AMPH: variants seen among roughly 807,000 people sequenced by gnomAD.
AMPH encodes amphiphysin (Stiff-Mann syndrome with breast cancer 128kD autoantigen).
AMPH carries 49 observed loss-of-function variants against 99.1 expected under a neutral mutation model. That is an observed-to-expected ratio of 0.49 (90% confidence interval 0.39 to 0.63). The LOEUF is 0.63. Ranked by LOEUF, AMPH falls within the 20% of genes least tolerant of loss-of-function variation. The pLI is 0.00. For synonymous variants in AMPH, 314 were observed against 317.3 expected (o/e 0.99, Z 0.11); for missense variants, 759 against 863.4 (o/e 0.88, Z 1.52).
chr7:38,463,014 A>C lies in AMPH; in HGVS notation c.849T>G (p.Pro283=), dbSNP rs1336989651. 1.2e-6 allele frequency: 2 copies of C among 1,604,108 alleles called. No individual in the cohort carries two copies. Among genetic ancestry groups the C allele is most frequent in the Non-Finnish European group, 1.7e-6 (2 of 1,175,402 alleles). ...GAGGCCGTGCTGGTGCGGGAGACGC[A>C]GGTGCTAATGTATGATTTGGACTTG... The part of the protein sequence containing the change: ...PTASPNHTLA[P]ASPAPARPRS... Residue 283 remains proline (P), a synonymous_variant, in exon 10 of 21, where the codon CCT becomes CCG. Coordinates refer to ENST00000356264, the MANE Select transcript of AMPH (RefSeq NM_001635.4).
chr7:38,614,448 G>C (rs1289230907), intron 1 of AMPH, among the ~76,000 whole-genome samples: 2 of 152,044 alleles, frequency 1.3e-5, no homozygotes, highest in Non-Finnish European at 2.9e-5. Flanking sequence ...TTGGCATATG[G>C]AAGTTGCTAA....
intron 2 of AMPH, among the ~76,000 whole-genome samples, chr7:38,525,258 G>GTGTATATATATATATATA (rs1173107719): frequency 5.4e-5 from 6 of 111,196 alleles, no homozygotes; most frequent in African/African-American, 2.4e-4. Flanking sequence ...GTGTGTGTGT[G>GTGTATATATATATATATA]TATATATATA....
At chr7:38,477,470 T>C (rs1788129954) in intron 5 of AMPH, among the ~76,000 whole-genome samples, 1 of 152,156 alleles carries the variant, frequency 6.6e-6, no homozygotes, top group Non-Finnish European at 1.5e-5. Flanking sequence ...TAGAATCCCC[T>C]GGACTAATGT....
chr7:38,485,626 T>C (rs1584153393), intron 5 of AMPH, among the ~76,000 whole-genome samples: 1 of 152,004 alleles, frequency 6.6e-6, no homozygotes, highest in South Asian at 2.1e-4. Flanking sequence ...CAAATGGACC[T>C]AACAGACATA....
chr7:38,598,815 T>C (rs1044910166), intron 1 of AMPH, among the ~76,000 whole-genome samples: 15 of 150,756 alleles, frequency 9.9e-5, no homozygotes, highest in Non-Finnish European at 1.8e-4. Context: ...TATTTTATTG[T>C]CTCATTCCTT....
At chr7:38,574,085 A>G (rs765903963) in intron 1 of AMPH, among the ~76,000 whole-genome samples, 3 of 152,226 alleles carry the variant, frequency 2.0e-5, no homozygotes, top group African/African-American at 4.8e-5. Flanking sequence ...TATAAGGCAA[A>G]GGTGTAAAAT....
intron 11 of AMPH, among the ~76,000 whole-genome samples, chr7:38,458,730 T>G (rs1031623222): frequency 6.6e-6 from 1 of 152,080 alleles, no homozygotes; most frequent in Admixed American, 6.6e-5. Flanking sequence ...AAAGGCCATA[T>G]ATGACAAAAG....
intron 13 of AMPH, 122 bp from the exon 14 acceptor site, chr7:38,429,987 C>G (rs1785941740): frequency 1.1e-6 from 1 of 898,748 alleles, no homozygotes; most frequent in Admixed American, 3.1e-5. Context: ...GGTTTAGGAA[C>G]AAATTTTACA....
At chr7:38,466,785 C>G (rs993225634) in intron 7 of AMPH, among the ~76,000 whole-genome samples, 4 of 151,984 alleles carry the variant, frequency 2.6e-5, no homozygotes, top group Non-Finnish European at 5.9e-5. Flanking sequence ...GAAGGAAATA[C>G]AAAACCCGTA....
intron 17 of AMPH, among the ~76,000 whole-genome samples, chr7:38,416,102 A>AATATATATATATATATATATAT (rs5883648): frequency 0.033 from 3,267 of 99,712 alleles, 175 homozygotes; most frequent in Non-Finnish European, 0.041. Context: ...CAAACATATG[A>AATATATATATATATATATATAT]ATATATATAT....
intron 2 of AMPH, among the ~76,000 whole-genome samples, chr7:38,524,923 C>T (rs1790106557): frequency 6.6e-6 from 1 of 151,982 alleles, no homozygotes; most frequent in Non-Finnish European, 1.5e-5. Context: ...CCACTCCTTA[C>T]TGTTTTATAC....
intron 1 of AMPH, among the ~76,000 whole-genome samples, chr7:38,629,462 AG>A (rs1794378659): frequency 6.6e-6 from 1 of 152,196 alleles, no homozygotes; most frequent in Admixed American, 6.5e-5. Flanking sequence ...CCACAACTGC[AG>A]TCATAAAGTA....
intron 1 of AMPH, among the ~76,000 whole-genome samples, chr7:38,606,748 A>C (rs1447452609): frequency 1.3e-5 from 2 of 151,316 alleles, no homozygotes; most frequent in African/African-American, 4.9e-5. Context: ...AATTTTTTAA[A>C]CTTTTTTGTA....
chr7:38,384,888 C>T lies in AMPH; in HGVS notation c.2018G>A (p.Trp673Ter). Residue 673 changes from tryptophan (W) to a stop codon, truncating the protein, a stop_gained, in exon 21 of 21, where the codon TGG (tryptophan) becomes TAG (stop). Transcript: ENST00000356264. LOFTEE classifies it high-confidence loss of function. ...GGTGGCAAGGTCTCTGTACTGAAGC[C>T]AGTCTGATTCCTTCACTCCCACCAG... ...GWLVGVKESD[W>*]LQYRDLATYK... is the part of the protein sequence containing the mutation. The T allele has an allele frequency of 6.2e-7, 1 of 1,613,792 alleles. No homozygotes were observed. The highest frequency in any genetic ancestry group is 8.5e-7 in the Non-Finnish European group (1 of 1,179,836).
chr7:38,459,604 C>T (rs1414444819), intron 11 of AMPH, among the ~76,000 whole-genome samples: 1 of 151,834 alleles, frequency 6.6e-6, no homozygotes. Context: ...GGAAAGGACA[C>T]CTTCAATAAA....
In AMPH at chr7:38,444,348, C is replaced by T. The variant is rs1455072153; in HGVS notation, c.1018-7960G>A. ...CTGGAACCTGTAAGTGTGTCCTTAA[C>T]TGACAACAGGGTCTGAACCAATGTA... On this transcript the variant is annotated intron_variant, in intron 11 of 20. Transcript: ENST00000356264. Among the ~76,000 whole-genome samples, 3 of 152,112 alleles carry T rather than the reference C, an allele frequency of 2.0e-5. No homozygotes were observed. The East Asian group carries it at 5.8e-4, about 29-fold the overall frequency.
chr7:38,503,612 T>C, intron 3 of AMPH, 38 bp downstream of exon 3: 1 of 1,600,930 alleles, frequency 6.2e-7, no homozygotes, highest in Non-Finnish European at 8.6e-7. Flanking sequence ...GAACAACCTG[T>C]GCTAAGTAAC....
At chr7:38,514,858 C>T (rs1257407596) in intron 2 of AMPH, among the ~76,000 whole-genome samples, 3 of 152,110 alleles carry the variant, frequency 2.0e-5, no homozygotes, top group African/African-American at 7.2e-5. Context: ...GAAAGTGGGG[C>T]TGTTGCTATA....
chr7:38,426,710 A>G (rs1201120370), intron 15 of AMPH, among the ~76,000 whole-genome samples: 1 of 152,206 alleles, frequency 6.6e-6, no homozygotes, highest in Non-Finnish European at 1.5e-5. Context: ...AGTCAGGGAG[A>G]ACTTAGTGTG....
Sources: allele counts gnomAD v4.1 joint callset (sites outside exome capture counted in the v4.1 genomes callset), GRCh38; gene constraint gnomAD v4.1.1; transcripts MANE v1.5; gene names NCBI Gene and HGNC (gene_info 2026-07-23, HGNC 2026-07-21).